Variants in ZNF407 observed in about 807,000 individuals in gnomAD.
The protein encoded by ZNF407 is zinc finger protein 407.
Under a neutral mutation model 131.2 loss-of-function variants are expected in ZNF407, and 17 were observed. The observed-to-expected ratio is 0.13, with a 90% CI of 0.09 to 0.19. The LOEUF (loss-of-function observed/expected upper bound fraction) is 0.19. Ranked by LOEUF, ZNF407 falls within the 10% of genes least tolerant of loss-of-function variation. The pLI is 1.00. For missense variants in ZNF407, 2,681 were observed against 2,830.6 expected, an observed-to-expected ratio of 0.95 and a Z score of 1.20; for synonymous variants, 1,156 against 1,062.0, an observed-to-expected ratio of 1.09 and a Z score of -1.72.
chr18:74,950,999 C>CT (rs201984051), intron 8 of ZNF407, among the ~76,000 whole-genome samples: 3,868 of 151,640 alleles, frequency 0.026, 114 homozygotes, highest in African/African-American at 0.068. Context: ...TCAGATGCAA[C>CT]TTTTTTTTTC....
At chr18:74,778,720 G>A (rs976525070) in intron 3 of ZNF407, among the ~76,000 whole-genome samples, 1 of 152,090 alleles carries the variant, frequency 6.6e-6, no homozygotes, top group African/African-American at 2.4e-5. Flanking sequence ...TAAGCAGCAG[G>A]TTGTCGAGAA....
At chr18:74,968,042 G>T (rs772249137) in intron 8 of ZNF407, among the ~76,000 whole-genome samples, 2 of 151,978 alleles carry the variant, frequency 1.3e-5, no homozygotes, top group African/African-American at 2.4e-5. Context: ...ATTATCTAGG[G>T]GTGGGAAGAA....
chr18:74,750,506 A>T (rs948463385), intron 3 of ZNF407, among the ~76,000 whole-genome samples: 1 of 152,148 alleles, frequency 6.6e-6, no homozygotes, highest in Non-Finnish European at 1.5e-5. Context: ...TTCAACTGGC[A>T]TGTTTTCATG....
chr18:74,692,114 C>T (rs34297302), intron 3 of ZNF407, among the ~76,000 whole-genome samples: 4 of 151,002 alleles, frequency 2.6e-5, no homozygotes, highest in Admixed American at 6.6e-5. Flanking sequence ...AAAATGTGTG[C>T]GTGTGTGGGT....
rs376114695 is a variant in ZNF407 at position 74,631,849 on chromosome 18, G to T, written c.830G>T (p.Arg277Leu). ...CTCCGTCGTCAGAATCTGGCTGCTC[G>T]TGGAGGATTTGTACAGATCTTAACA... ...THLRRQNLAA[R>L]GGFVQILTKQ... The change falls in exon 2 of 9, where the codon CGT (arginine) becomes CTT (leucine). Residue 277 changes from arginine to leucine, a missense_variant. Physicochemically the swap from Arg to Leu is moderately radical, Grantham distance 102. This residue lies in a region of ZNF407 where 1,789 missense variants were observed against 1,748.7 expected (regional missense o/e 1.02). Transcript: ENST00000299687. 1 of 1,613,904 alleles carries T rather than the reference G, an allele frequency of 6.2e-7. No individual in the cohort carries two copies. Among genetic ancestry groups the T allele is most frequent in the Non-Finnish European group, 8.5e-7 (1 of 1,179,904 alleles).
At position 74,920,515 on chromosome 18, in the gene ZNF407, T is replaced by C; in HGVS notation, c.5251T>C (p.Ser1751Pro). The change falls in exon 8 of 9, where the codon TCA becomes CCA. Residue 1751 changes from serine to proline, a missense_variant and splice_region_variant. Physicochemically the swap from Ser to Pro is moderately conservative, Grantham distance 74. This residue lies in a region of ZNF407 where 20 missense variants were observed against 56.4 expected (regional missense o/e 0.35). Coordinates refer to ENST00000299687, the MANE Select transcript of ZNF407 (RefSeq NM_017757.3). ...TTACTTTTCTGTCTTACTTGGTAGG[T>C]CAAACTGTGCTGAAAATATCCGCAA... is the stretch of plus-strand genomic sequence containing the variant. ...PYRCPWCDYR[S>P]NCAENIRKHI... 6.4e-7 allele frequency: 1 copy of C among 1,573,854 alleles called. No individual in the cohort carries two copies. The highest frequency in any genetic ancestry group is 8.7e-7 in the Non-Finnish European group (1 of 1,149,862).
At chr18:74,767,820 ATTTTT>A (rs10692267) in intron 3 of ZNF407, among the ~76,000 whole-genome samples, 10 of 114,088 alleles carry the variant, frequency 8.8e-5, no homozygotes, top group East Asian at 2.6e-4. Flanking sequence ...CGCCTGGCTA[ATTTTT>A]TTTTTTTTTT....
intron 8 of ZNF407, among the ~76,000 whole-genome samples, chr18:74,958,385 A>C (rs996089110): frequency 2.4e-4 from 36 of 152,102 alleles, no homozygotes; most frequent in Non-Finnish European, 5.0e-4. Flanking sequence ...GGTTGCAGGG[A>C]GATTATTTTG....
At chr18:74,679,291 A>G (rs1415576609) in intron 3 of ZNF407, among the ~76,000 whole-genome samples, 1 of 152,208 alleles carries the variant, frequency 6.6e-6, no homozygotes, top group Non-Finnish European at 1.5e-5. Flanking sequence ...CTTTAGGCCC[A>G]TTTGTTTTAC....
intron 8 of ZNF407, among the ~76,000 whole-genome samples, chr18:74,931,104 C>T (rs767806216): frequency 6.6e-6 from 1 of 152,064 alleles, no homozygotes; most frequent in Non-Finnish European, 1.5e-5. Flanking sequence ...CTGTAAAAAC[C>T]CTTCAAAAGG....
intron 3 of ZNF407, among the ~76,000 whole-genome samples, chr18:74,737,426 A>G (rs1008432108): frequency 6.6e-6 from 1 of 152,270 alleles, no homozygotes; most frequent in Non-Finnish European, 1.5e-5. Flanking sequence ...AAACTAATCA[A>G]TACATAATTA....
In ZNF407 at chr18:75,063,855, A is replaced by G. The variant is rs1261908577; in HGVS notation, c.6134A>G (p.Gln2045Arg). Residue 2045 changes from glutamine to arginine, a missense_variant, in exon 9 of 9, where the codon CAG (glutamine) becomes CGG (arginine). Physicochemically the swap from Gln to Arg is conservative, Grantham distance 43 (BLOSUM62 1). Coordinates refer to ENST00000299687, the MANE Select transcript of ZNF407 (RefSeq NM_017757.3). This position sits in a 1 kb window ranked among gnomAD's most constrained non-coding sequence, Gnocchi z 6.6. ...PEAPEIQMFP[Q>R]AQESPAAVEV... ...GCCCCCGAGATCCAGATGTTCCCAC[A>G]GGCCCAGGAGAGCCCGGCCGCCGTG... The G allele has an allele frequency of 1.2e-6, 2 of 1,609,748 alleles. No individual in the cohort carries two copies. The highest frequency in any genetic ancestry group is 1.7e-6 in the Non-Finnish European group (2 of 1,178,762).
intron 4 of ZNF407, among the ~76,000 whole-genome samples, chr18:74,851,372 C>G (rs1320579867): frequency 3.3e-5 from 5 of 152,074 alleles, no homozygotes; most frequent in African/African-American, 1.2e-4. Flanking sequence ...GCAGTATTCC[C>G]TGATATAAAA....
At chr18:74,829,839 T>C (rs950572150) in intron 4 of ZNF407, among the ~76,000 whole-genome samples, 1 of 152,164 alleles carries the variant, frequency 6.6e-6, no homozygotes, top group Non-Finnish European at 1.5e-5. Context: ...TACAAAATTT[T>C]TTAATTTAAA....
intron 2 of ZNF407, among the ~76,000 whole-genome samples, chr18:74,639,614 C>G (rs1476154297): frequency 1.3e-5 from 2 of 152,298 alleles, no homozygotes; most frequent in East Asian, 3.9e-4. Context: ...TGACTAGATA[C>G]AACCATTCAG....
intron 8 of ZNF407, among the ~76,000 whole-genome samples, chr18:74,930,527 A>G (rs1971970790): frequency 6.6e-6 from 1 of 152,152 alleles, no homozygotes; most frequent in Admixed American, 6.5e-5. Flanking sequence ...TGATGTTTAA[A>G]TGGTGTTTTT....
chr18:74,959,073 TTTGTA>T (rs2145289010), intron 8 of ZNF407, among the ~76,000 whole-genome samples: 1 of 152,352 alleles, frequency 6.6e-6, no homozygotes, highest in East Asian at 1.9e-4. Flanking sequence ...CTTGAGAATG[TTTGTA>T]TATAACCTAC....
chr18:74,945,867 A>C (rs1346769409), intron 8 of ZNF407, among the ~76,000 whole-genome samples: 2 of 152,122 alleles, frequency 1.3e-5, no homozygotes, highest in Admixed American at 6.5e-5. Flanking sequence ...ATTTCAGTAC[A>C]ACCTGGTTTT....
chr18:74,975,026 A>G (rs1972512991), intron 8 of ZNF407, among the ~76,000 whole-genome samples: 1 of 152,236 alleles, frequency 6.6e-6, no homozygotes, highest in African/African-American at 2.4e-5. Flanking sequence ...CCATTAATAC[A>G]TACTTACGTC....
Sources: allele counts gnomAD v4.1 joint callset (sites outside exome capture counted in the v4.1 genomes callset), GRCh38; gene constraint gnomAD v4.1.1; regional missense constraint gnomAD v4.1.1; non-coding constraint Gnocchi (gnomAD v3.1); transcripts MANE v1.5; gene names NCBI Gene and HGNC (gene_info 2026-07-23, HGNC 2026-07-21).